ANKRD11: variants seen among roughly 807,000 people sequenced by gnomAD.
ANKRD11 encodes ankyrin repeat domain 11.
In ANKRD11, 17 loss-of-function variants were observed where a neutral mutation model predicts 195.7. That is an observed-to-expected ratio of 0.09 (90% CI 0.06 to 0.13). The LOEUF (loss-of-function observed/expected upper bound fraction) is 0.13, where lower values mean the gene tolerates loss of function less well. Ranked by LOEUF, ANKRD11 falls within the 10% of genes least tolerant of loss-of-function variation. ANKRD11 has a pLI of 1.00. For synonymous variants in ANKRD11, 1,953 were observed against 1,528.1 expected (o/e 1.28, Z -6.49); for missense variants, 3,735 against 3,566.1 (o/e 1.05, Z -1.21).
At chr16:89,273,589 C>T (rs567448028) in intron 11 of ANKRD11, among the ~76,000 whole-genome samples, 22 of 151,860 alleles carry the variant, frequency 1.4e-4, no homozygotes, top group African/African-American at 4.6e-4. Flanking sequence ...CCCAGCTACT[C>T]GGGAGGCTGA....
intron 4 of ANKRD11, among the ~76,000 whole-genome samples, chr16:89,297,073 C>G (rs2035485125): frequency 6.6e-6 from 1 of 152,204 alleles, no homozygotes; most frequent in South Asian, 2.1e-4. Context: ...AGGTCTGAAG[C>G]TGGGCTCCAA....
chr16:89,299,259 T>C (rs1483731862), intron 4 of ANKRD11: 2 of 181,718 alleles, frequency 1.1e-5, no homozygotes, highest in African/African-American at 4.8e-5. Flanking sequence ...TGGGAGGAGA[T>C]CTACAGGGGA....
chr16:89,375,931 G>C (rs114198365), intron 2 of ANKRD11, among the ~76,000 whole-genome samples: 4,503 of 152,254 alleles, frequency 0.03, 154 homozygotes, highest in African/African-American at 0.075. Flanking sequence ...TGTGACTTTA[G>C]GAAAAGCTAA....
intron 1 of ANKRD11, among the ~76,000 whole-genome samples, chr16:89,447,875 G>A (rs1477939839): frequency 6.8e-6 from 1 of 147,114 alleles, no homozygotes; most frequent in African/African-American, 2.6e-5. Flanking sequence ...CACAATCTCA[G>A]CTCACTGCAA....
At chr16:89,373,928 A>T (rs748134167) in intron 2 of ANKRD11, among the ~76,000 whole-genome samples, 2 of 152,360 alleles carry the variant, frequency 1.3e-5, no homozygotes, top group Non-Finnish European at 2.9e-5. Context: ...GGACAGGGTC[A>T]TCAGGAGTGA....
chr16:89,363,983 C>T (rs1041142231), intron 2 of ANKRD11, among the ~76,000 whole-genome samples: 1 of 152,064 alleles, frequency 6.6e-6, no homozygotes, highest in African/African-American at 2.4e-5. Context: ...CAGCTTGAGC[C>T]CGGGAGTTGG....
rs536466616 is a variant in ANKRD11, at chr16:89,295,686, C to T, written c.227-4503G>A. Among the ~76,000 whole-genome samples the T allele has an allele frequency of 8.0e-4, 122 of 152,136 alleles. 1 individual carries two copies. The highest frequency in any genetic ancestry group is 2.8e-3 in the African/African-American group (115 of 41,496). On this transcript the variant is annotated intron_variant, in intron 4 of 12. Transcript: ENST00000301030. ...TGAGGCAGCAGAGACTGGAGGCGAGCGTCCCGAGGCAAACGGCGGTGGCAC... is the reference window on the plus strand; with the variant it reads ...TGAGGCAGCAGAGACTGGAGGCGAGTGTCCCGAGGCAAACGGCGGTGGCAC...
intron 1 of ANKRD11, among the ~76,000 whole-genome samples, chr16:89,469,116 G>A (rs138525200): frequency 6.6e-6 from 1 of 151,976 alleles, no homozygotes; most frequent in Non-Finnish European, 1.5e-5. Flanking sequence ...GCCTGTGTCA[G>A]AGCCTGCAGT....
rs766783032 is a variant in ANKRD11 at position 89,280,529 on chromosome 16, G to C, written c.6013C>G (p.Pro2005Ala). The C allele has an allele frequency of 2.5e-6, 4 of 1,612,120 alleles. No individual in the cohort carries two copies. The highest frequency in any genetic ancestry group is 2.7e-5 in the African/African-American group (2 of 75,014). The change falls in exon 9 of 13, where the codon CCA becomes GCA. Residue 2005 changes from proline to alanine, a missense_variant. By Grantham distance (27) the Pro-to-Ala change is conservative. Coordinates refer to ENST00000301030, the MANE Select transcript of ANKRD11 (RefSeq NM_013275.6). ...GCCTCCGAGGCGCTGAAGGGCCCTG[G>C]GGCGGCAGAGTGGAGGGGGTCCGCG... ...CPADPLHSAAPGPFSASEAPY... is the reference protein window; with the variant it reads ...CPADPLHSAAAGPFSASEAPY...
In ANKRD11 at chr16:89,281,031, C is replaced by A. The variant is rs760829206; in HGVS notation, c.5511G>T (p.Pro1837=). The A allele has an allele frequency of 2.0e-5, 32 of 1,597,158 alleles. No homozygotes were observed. The South Asian group carries it at 2.9e-4, about 15-fold the overall frequency. ...AGCAGGCAAACTTCTCCGCGGGAAC[C>A]GGGGGCAGGGGCGCCCTGTCTTCCA... ...PSMEDRAPLP[P]VPAEKFACLS... is the part of the protein sequence containing the mutation. Residue 1837 remains proline (P), a synonymous_variant, in exon 9 of 13, where the codon CCG becomes CCT. Coordinates refer to ENST00000301030, the MANE Select transcript of ANKRD11 (RefSeq NM_013275.6). The surrounding 1 kb of genome is among the most constrained non-coding windows in gnomAD (Gnocchi z 5.5).
intron 2 of ANKRD11, among the ~76,000 whole-genome samples, chr16:89,362,732 C>A (rs989481966): frequency 3.3e-5 from 5 of 152,170 alleles, no homozygotes; most frequent in African/African-American, 1.2e-4. Context: ...AAGTATCTGC[C>A]CTGGCATGCT....
chr16:89,382,491 A>C (rs1010111162), intron 2 of ANKRD11, among the ~76,000 whole-genome samples: 6 of 149,054 alleles, frequency 4.0e-5, no homozygotes, highest in Admixed American at 3.4e-4. Flanking sequence ...AAGCCTGGCT[A>C]ATTTTTTGTA....
chr16:89,291,739 AGCCTTGCAGCACCACAACAGG>A lies in ANKRD11; in HGVS notation c.227-577_227-557del. ...GCCATGGTGCTTCGAGGAGCGTACC[AGCCTTGCAGCACCACAACAGG>A]GACTGGGCTGGAGGCATCTGAAGGC... is the stretch of plus-strand genomic sequence containing the variant. On this transcript the variant is annotated intron_variant, in intron 4 of 12. Transcript: ENST00000301030. The surrounding 1 kb of genome is among the most constrained non-coding windows in gnomAD (Gnocchi z 5.3). 1 of 1,289,884 alleles carries A rather than the reference AGCCTTGCAGCACCACAACAGG, an allele frequency of 7.8e-7. No homozygotes were observed. The highest frequency in any genetic ancestry group is 1.0e-6 in the Non-Finnish European group (1 of 988,884). 79.9% of individuals were successfully genotyped at this position (1,289,884 alleles called of 1,614,324 possible). A position where few individuals can be genotyped will look rare whatever the true frequency, so the allele number is the denominator to read the frequency against.
intron 1 of ANKRD11, among the ~76,000 whole-genome samples, chr16:89,462,550 C>A (rs1183993054): frequency 6.6e-6 from 1 of 151,394 alleles, no homozygotes; most frequent in East Asian, 2.0e-4. Flanking sequence ...ATGTGAGGAG[C>A]CCCTCTGCCT....
At chr16:89,480,074 G>A (rs1289569031) in intron 1 of ANKRD11, among the ~76,000 whole-genome samples, 2 of 151,380 alleles carry the variant, frequency 1.3e-5, no homozygotes, top group East Asian at 3.9e-4. Flanking sequence ...TCGTGTCATT[G>A]CACTCCAGCC....
chr16:89,385,517 C>T (rs1185633978), intron 2 of ANKRD11, among the ~76,000 whole-genome samples: 1 of 152,174 alleles, frequency 6.6e-6, no homozygotes, highest in Non-Finnish European at 1.5e-5. Context: ...ACACCGAGAC[C>T]CTGTGGGTAT....
At chr16:89,347,843 A>G (rs2039016531) in intron 2 of ANKRD11, among the ~76,000 whole-genome samples, 1 of 152,208 alleles carries the variant, frequency 6.6e-6, no homozygotes, top group African/African-American at 2.4e-5. Context: ...GGTGTCAGTC[A>G]GTGGGTGTTT....
chr16:89,294,589 G>GC (rs1365917815), intron 4 of ANKRD11, among the ~76,000 whole-genome samples: 1 of 152,136 alleles, frequency 6.6e-6, no homozygotes, highest in African/African-American at 2.4e-5. Context: ...TAGAGGGAAA[G>GC]CCCCACCCAC....
In ANKRD11 at chr16:89,285,717, G is replaced by A. The variant is rs570909781; in HGVS notation, c.893-68C>T. On this transcript the variant is annotated intron_variant, in intron 8 of 12. Transcript: ENST00000301030. This position sits in a 1 kb window ranked among gnomAD's most constrained non-coding sequence, Gnocchi z 5.6. ...CAGCTCTCCCCAGAATGGCAGAGGAGGGAGGCTCTGCAGATGTGTCTGCGG... is the reference window on the plus strand; with the variant it reads ...CAGCTCTCCCCAGAATGGCAGAGGAAGGAGGCTCTGCAGATGTGTCTGCGG... 1.1e-4 allele frequency: 161 copies of A among 1,531,334 alleles called. 4 individuals carry two copies. In the South Asian group the frequency reaches 1.7e-3, roughly 17 times the overall value. 94.9% of individuals were successfully genotyped at this position (1,531,334 alleles called of 1,614,324 possible). A position where few individuals can be genotyped will look rare whatever the true frequency, so the allele number is the denominator to read the frequency against.
Sources: gnomAD v4.1 joint callset for allele counts (sites outside exome capture counted in the v4.1 genomes callset) on GRCh38, gnomAD v4.1.1 for gene constraint, Gnocchi (gnomAD v3.1) non-coding constraint, MANE v1.5 for transcripts, NCBI Gene and HGNC (gene_info 2026-07-23, HGNC 2026-07-21) for gene names.